The following NHEJ1 variants were observed in gnomAD, a reference collection of about 807,000 sequenced individuals.
NHEJ1 encodes the protein non-homologous end-joining factor 1.
Under a neutral mutation model 39.4 loss-of-function variants are expected in NHEJ1, and 22 were observed. That is an observed-to-expected ratio of 0.56 (90% confidence interval 0.40 to 0.80). The LOEUF is 0.80. NHEJ1 is among the 30% of genes least tolerant of loss of function. The probability of loss-of-function intolerance (pLI) is 0.00; values close to 1 mark genes in which losing one functional copy is unlikely to be tolerated. For missense variants in NHEJ1, 329 were observed against 357.1 expected (o/e 0.92, Z 0.63); for synonymous variants, 154 against 135.6 (o/e 1.14, Z -0.94).
chr2:219,136,069 C>T (rs548536833), intron 5 of NHEJ1, among the ~76,000 whole-genome samples: 9 of 152,206 alleles, frequency 5.9e-5, no homozygotes, highest in African/African-American at 1.7e-4. Context: ...GCCTGATATA[C>T]ATGTTTATGT....
intron 5 of NHEJ1, among the ~76,000 whole-genome samples, chr2:219,097,897 G>A (rs1949223711): frequency 6.6e-6 from 1 of 152,126 alleles, no homozygotes; most frequent in African/African-American, 2.4e-5. Flanking sequence ...AATAGAAGAG[G>A]GCCAACGACT....
intron 5 of NHEJ1, among the ~76,000 whole-genome samples, chr2:219,112,613 G>A (rs1949375889): frequency 6.6e-6 from 1 of 152,028 alleles, no homozygotes; most frequent in Non-Finnish European, 1.5e-5. Flanking sequence ...TGCTGAAACA[G>A]GCCCCAAAAG....
chr2:219,081,420 T>C (rs1404371783), intron 5 of NHEJ1, among the ~76,000 whole-genome samples: 1 of 152,098 alleles, frequency 6.6e-6, no homozygotes, highest in Non-Finnish European at 1.5e-5. Context: ...CCGGCCACAA[T>C]GCGGGTCACT....
Sources: gnomAD v4.1 joint callset for allele counts (sites outside exome capture counted in the v4.1 genomes callset) on GRCh38, gnomAD v4.1.1 for gene constraint, MANE v1.5 for transcripts, NCBI Gene and HGNC (gene_info 2026-07-23, HGNC 2026-07-21) for gene names.